Variants in SDK1 observed in about 807,000 individuals in gnomAD.
SDK1 encodes sidekick cell adhesion molecule 1, also known as protein sidekick-1.
SDK1 carries 157 observed loss-of-function variants against 245.5 expected under a neutral mutation model. The ratio of observed to expected loss-of-function variants is 0.64; its 90% CI spans 0.56 to 0.73. SDK1 has a LOEUF of 0.73. Ranked by LOEUF, SDK1 falls within the 30% of genes least tolerant of loss-of-function variation. The pLI, the probability that SDK1 is intolerant of heterozygous loss-of-function variation, is 0.00. For synonymous variants in SDK1, 1,647 were observed against 1,278.5 expected (o/e 1.29, Z -6.15); for missense variants, 3,583 against 3,002.3 (o/e 1.19, Z -4.52).
intron 1 of SDK1, among the ~76,000 whole-genome samples, chr7:3,602,772 A>G (rs1229715525): frequency 6.6e-6 from 1 of 152,128 alleles, no homozygotes; most frequent in African/African-American, 2.4e-5. Context: ...CCTCAATGGT[A>G]TTGCCTAGGT....
rs756133069 is a variant in SDK1, at chr7:3,639,060, G to A, written c.515G>A (p.Arg172Gln). The change falls in exon 3 of 45, where the codon CGA becomes CAA. Residue 172 changes from arginine (R) to glutamine (Q), a missense_variant. Coordinates refer to ENST00000404826, the MANE Select transcript of SDK1 (RefSeq NM_152744.4). ...GCTGGGTTTTACCGCTGCGTGGTGC[G>A]AAACAGAATGGGAGCACTCCTGCAA... ...LDAGFYRCVV[R>Q]NRMGALLQRK... 3.7e-5 allele frequency: 59 copies of A among 1,604,488 alleles called. No homozygotes were observed. Among genetic ancestry groups the A allele is most frequent in the Admixed American group, 8.4e-5 (5 of 59,848 alleles).
chr7:3,389,301 G>T (rs926726066), intron 1 of SDK1, among the ~76,000 whole-genome samples: 1 of 152,114 alleles, frequency 6.6e-6, no homozygotes, highest in Non-Finnish European at 1.5e-5. Flanking sequence ...TGGATTATCT[G>T]GGTGGGCTCC....
At chr7:4,161,667 T>C in intron 31 of SDK1, 119 bp from the exon 32 acceptor site, 2 of 773,198 alleles carry the variant, frequency 2.6e-6, no homozygotes, top group East Asian at 2.5e-5. Context: ...AGGGGACCCC[T>C]GGAGAAGGAA....
At chr7:4,080,065 G>A (rs943100806) in intron 22 of SDK1, among the ~76,000 whole-genome samples, 1 of 152,176 alleles carries the variant, frequency 6.6e-6, no homozygotes, top group Non-Finnish European at 1.5e-5. Flanking sequence ...CTGCTGTCGA[G>A]GAGAAAAGTG....
intron 1 of SDK1, among the ~76,000 whole-genome samples, chr7:3,605,620 A>C (rs1295791254): frequency 6.6e-6 from 1 of 152,192 alleles, no homozygotes; most frequent in African/African-American, 2.4e-5. Flanking sequence ...CCTACTATTT[A>C]ATTTTCCTTT....
chr7:3,479,421 CAA>C lies in SDK1; in HGVS notation c.299-139637_299-139636del, dbSNP rs56094646. Among the ~76,000 whole-genome samples, 197 of 66,582 alleles carry C rather than the reference CAA, an allele frequency of 3.0e-3. 1 individual carries two copies. The highest frequency in any genetic ancestry group is 0.028 in the South Asian group (44 of 1,562). 43.7% of individuals were successfully genotyped at this position (66,582 alleles called of 152,430 possible). ...TGGGTGACAGGGTGAGACTGTGTCT[CAA>C]AAAAAAAAAAAAAAAAAAAAAGAAT... On this transcript the variant is annotated intron_variant, in intron 1 of 44. Transcript: ENST00000404826.
intron 5 of SDK1, among the ~76,000 whole-genome samples, chr7:3,870,907 A>G (rs1015838595): frequency 6.6e-6 from 1 of 152,158 alleles, no homozygotes; most frequent in Non-Finnish European, 1.5e-5. Context: ...GTTTTTTATG[A>G]CCTTGATACT....
chr7:4,254,232 C>T (rs574599658), intron 44 of SDK1, among the ~76,000 whole-genome samples: 1 of 151,370 alleles, frequency 6.6e-6, no homozygotes, highest in African/African-American at 2.4e-5. Flanking sequence ...TCTCTTTCTC[C>T]TCTCATTCTG....
intron 5 of SDK1, among the ~76,000 whole-genome samples, chr7:3,845,857 T>G (rs1314090186): frequency 2.0e-5 from 3 of 152,220 alleles, no homozygotes; most frequent in Non-Finnish European, 4.4e-5. Flanking sequence ...AGCGGATGAA[T>G]TGGCAGCATA....
At chr7:4,223,570 A>T (rs541376825) in intron 40 of SDK1, among the ~76,000 whole-genome samples, 2 of 152,178 alleles carry the variant, frequency 1.3e-5, no homozygotes, top group South Asian at 4.2e-4. Context: ...TCCCATGGTG[A>T]TCTCCCTGTA....
At chr7:3,527,286 C>T (rs914567875) in intron 1 of SDK1, among the ~76,000 whole-genome samples, 1 of 152,060 alleles carries the variant, frequency 6.6e-6, no homozygotes, top group Non-Finnish European at 1.5e-5. Context: ...GGGAGAGAGA[C>T]AGCAAGTAAG....
chr7:3,942,689 C>G (rs1478566510), intron 5 of SDK1, among the ~76,000 whole-genome samples: 1 of 152,198 alleles, frequency 6.6e-6, no homozygotes, highest in Non-Finnish European at 1.5e-5. Flanking sequence ...ACCCCCTTAC[C>G]TGCTGGTTTT....
chr7:4,137,668 C>A (rs1233915148), intron 28 of SDK1, among the ~76,000 whole-genome samples: 2 of 152,220 alleles, frequency 1.3e-5, no homozygotes, highest in East Asian at 3.8e-4. Context: ...TTCACCCATA[C>A]CCTTAAAAAC....
intron 2 of SDK1, among the ~76,000 whole-genome samples, chr7:3,623,044 AC>A (rs1781993021): frequency 6.6e-6 from 1 of 152,182 alleles, no homozygotes; most frequent in African/African-American, 2.4e-5. Flanking sequence ...AATGAAAAAA[AC>A]ATGGATACTT....
At chr7:4,107,196 G>A (rs1227995522) in intron 22 of SDK1, among the ~76,000 whole-genome samples, 1 of 151,246 alleles carries the variant, frequency 6.6e-6, no homozygotes, top group Admixed American at 6.6e-5. Flanking sequence ...AAGGAGACCT[G>A]GAGTCGCTTA....
At chr7:3,764,730 T>TA (rs1433493514) in intron 4 of SDK1, among the ~76,000 whole-genome samples, 1 of 151,746 alleles carries the variant, frequency 6.6e-6, no homozygotes, top group Non-Finnish European at 1.5e-5. Context: ...ACATACAATT[T>TA]AAAAAAAATC....
At chr7:3,419,359 T>A (rs1475407023) in intron 1 of SDK1, among the ~76,000 whole-genome samples, 1 of 152,168 alleles carries the variant, frequency 6.6e-6, no homozygotes, top group Non-Finnish European at 1.5e-5. Context: ...GTAATTAGGA[T>A]CCACTGTTGT....
At chr7:3,779,202 T>A (rs1780652186) in intron 4 of SDK1, among the ~76,000 whole-genome samples, 1 of 152,180 alleles carries the variant, frequency 6.6e-6, no homozygotes, top group South Asian at 2.1e-4. Context: ...CAAGAAATTG[T>A]GAATAAAATG....
chr7:4,012,478 G>A (rs1488949094), intron 16 of SDK1, among the ~76,000 whole-genome samples: 3 of 147,720 alleles, frequency 2.0e-5, no homozygotes, highest in African/African-American at 7.5e-5. Flanking sequence ...ACTGGTGTCA[G>A]GGTAGCATTT....
Sources: allele counts gnomAD v4.1 joint callset (sites outside exome capture counted in the v4.1 genomes callset), GRCh38; gene constraint gnomAD v4.1.1; transcripts MANE v1.5; gene names NCBI Gene and HGNC (gene_info 2026-07-23, HGNC 2026-07-21).